SGCZ: variants seen among roughly 807,000 people sequenced by gnomAD.
SGCZ encodes the protein sarcoglycan zeta.
Under a neutral mutation model 41.3 loss-of-function variants are expected in SGCZ, and 40 were observed. The observed-to-expected ratio is 0.97, with a 90% CI of 0.75 to 1.26. The LOEUF (loss-of-function observed/expected upper bound fraction) is 1.26. SGCZ is among the 50% of genes most tolerant of loss of function. The pLI is 0.00. For synonymous variants in SGCZ, 206 were observed against 137.5 expected (o/e 1.50, Z -3.49); for missense variants, 552 against 369.8 (o/e 1.49, Z -4.04).
intron 1 of SGCZ, among the ~76,000 whole-genome samples, chr8:14,558,033 G>C (rs1019655393): frequency 6.6e-6 from 1 of 152,086 alleles, no homozygotes; most frequent in African/African-American, 2.4e-5. Context: ...AGGCTACTAT[G>C]AACATTTTAA....
intron 2 of SGCZ, among the ~76,000 whole-genome samples, chr8:14,522,254 T>G (rs184533694): frequency 5.8e-4 from 89 of 152,198 alleles, no homozygotes; most frequent in Admixed American, 4.9e-3. Context: ...TTGTCTGGTT[T>G]TGTTATCAGG....
At chr8:15,034,530 A>G (rs145614266) in intron 1 of SGCZ, among the ~76,000 whole-genome samples, 1 of 152,320 alleles carries the variant, frequency 6.6e-6, no homozygotes, top group African/African-American at 2.4e-5. Flanking sequence ...ATAAAGAGGT[A>G]GAAAGAATAT....
chr8:15,218,442 G>C (rs761976033), intron 1 of SGCZ, among the ~76,000 whole-genome samples: 16 of 152,178 alleles, frequency 1.1e-4, no homozygotes, highest in Non-Finnish European at 2.1e-4. Context: ...ACTTTTCTCA[G>C]TGTTTATAAT....
chr8:14,392,704 T>C (rs920099146), intron 2 of SGCZ, among the ~76,000 whole-genome samples: 3 of 152,140 alleles, frequency 2.0e-5, no homozygotes, highest in Non-Finnish European at 4.4e-5. Context: ...AGAACAATTA[T>C]TTTTGGACTT....
intron 1 of SGCZ, among the ~76,000 whole-genome samples, chr8:14,918,712 T>A (rs561266367): frequency 5.9e-5 from 9 of 152,316 alleles, no homozygotes; most frequent in South Asian, 2.1e-4. Flanking sequence ...TTTGGGGAAG[T>A]CTTCATTATT....
At chr8:14,514,094 A>C (rs1191959780) in intron 2 of SGCZ, among the ~76,000 whole-genome samples, 1 of 151,894 alleles carries the variant, frequency 6.6e-6, no homozygotes, top group African/African-American at 2.4e-5. Flanking sequence ...TAGTCCTTTG[A>C]GAAGATTTTC....
intron 1 of SGCZ, among the ~76,000 whole-genome samples, chr8:15,032,785 G>A (rs1233876192): frequency 6.6e-6 from 1 of 152,024 alleles, no homozygotes; most frequent in Admixed American, 6.5e-5. Flanking sequence ...TACCAGGTCA[G>A]CTCCTACAGC....
chr8:15,201,953 T>C (rs1169290761), intron 1 of SGCZ, among the ~76,000 whole-genome samples: 1 of 152,190 alleles, frequency 6.6e-6, no homozygotes, highest in African/African-American at 2.4e-5. Context: ...TTCTAAAGGG[T>C]TTACCCATTA....
At chr8:14,370,907 C>A (rs945967848) in intron 2 of SGCZ, among the ~76,000 whole-genome samples, 17 of 151,834 alleles carry the variant, frequency 1.1e-4, no homozygotes, top group African/African-American at 3.9e-4. Context: ...TAAGGAAGCC[C>A]CACAGAATGT....
intron 2 of SGCZ, among the ~76,000 whole-genome samples, chr8:14,542,238 T>G (rs13280750): frequency 0.2 from 29,667 of 152,078 alleles, 3,062 homozygotes; most frequent in African/African-American, 0.26. Flanking sequence ...TTGCCTAGGT[T>G]GTCTTCTAGG....
At chr8:14,829,121 T>C (rs561750188) in intron 1 of SGCZ, among the ~76,000 whole-genome samples, 31 of 152,250 alleles carry the variant, frequency 2.0e-4, no homozygotes, top group African/African-American at 6.3e-4. Flanking sequence ...GAGTTTGTTG[T>C]ACAGATTATT....
In SGCZ at chr8:14,953,417, C is replaced by A. The variant is rs192481251; in HGVS notation, c.39+284168G>T. Among the ~76,000 whole-genome samples the A allele has an allele frequency of 5.1e-3, 770 of 152,236 alleles. 8 individuals carry two copies. Among genetic ancestry groups the A allele is most frequent in the African/African-American group, 0.017 (713 of 41,536 alleles). On this transcript the variant is annotated intron_variant, in intron 1 of 7. Coordinates refer to ENST00000382080, the MANE Select transcript of SGCZ (RefSeq NM_139167.4). The stretch of plus-strand genomic sequence containing the variant: ...ATCGCCGTCCACTAGGTCCCTCCCC[C>A]AAAACTGGGAATTACAATTCGACAT...
chr8:14,491,998 G>C (rs17244160), intron 2 of SGCZ, among the ~76,000 whole-genome samples: 3 of 152,010 alleles, frequency 2.0e-5, no homozygotes, highest in Middle Eastern at 3.2e-3. Flanking sequence ...AGTTATGAGC[G>C]AGTATGTCTC....
intron 1 of SGCZ, among the ~76,000 whole-genome samples, chr8:14,976,001 CATAT>C (rs145427292): frequency 7.1e-6 from 1 of 140,174 alleles, no homozygotes; most frequent in Admixed American, 7.2e-5. Flanking sequence ...TATATATATA[CATAT>C]ATATATATAT....
intron 6 of SGCZ, among the ~76,000 whole-genome samples, chr8:14,106,664 G>A (rs1221667730): frequency 2.6e-5 from 4 of 151,976 alleles, no homozygotes; most frequent in South Asian, 4.2e-4. Context: ...CAATGTGAAG[G>A]GCTAAACAGC....
chr8:14,117,408 C>CTGTGTGTGTGTG (rs57595662), intron 5 of SGCZ, among the ~76,000 whole-genome samples: 94 of 131,572 alleles, frequency 7.1e-4, no homozygotes, highest in East Asian at 3.1e-3. Flanking sequence ...ATGCACACAT[C>CTGTGTGTGTGTG]TGTGTGTGTG....
intron 1 of SGCZ, among the ~76,000 whole-genome samples, chr8:14,938,166 A>C (rs2130815887): frequency 6.6e-6 from 1 of 152,270 alleles, no homozygotes; most frequent in African/African-American, 2.4e-5. Context: ...CTGCATGTTG[A>C]AATACATTAT....
chr8:14,528,457 T>C (rs374858904), intron 2 of SGCZ, among the ~76,000 whole-genome samples: 3 of 152,220 alleles, frequency 2.0e-5, no homozygotes, highest in East Asian at 3.9e-4. Flanking sequence ...GGAAGCAGCA[T>C]GGTATAGAGT....
chr8:14,256,001 C>T (rs1013194082), intron 3 of SGCZ, among the ~76,000 whole-genome samples: 4 of 152,130 alleles, frequency 2.6e-5, no homozygotes, highest in Non-Finnish European at 5.9e-5. Flanking sequence ...ACATCTCTCA[C>T]TTCGAGGAAC....
Sources: allele counts gnomAD v4.1 joint callset (sites outside exome capture counted in the v4.1 genomes callset), GRCh38; gene constraint gnomAD v4.1.1; transcripts MANE v1.5; gene names NCBI Gene and HGNC (gene_info 2026-07-23, HGNC 2026-07-21).